The following AMOTL1 variants were observed in gnomAD, a reference collection of about 807,000 sequenced individuals.
AMOTL1 encodes angiomotin-like protein 1.
AMOTL1 carries 45 observed loss-of-function variants against 102.9 expected under a neutral mutation model. The ratio of observed to expected loss-of-function variants is 0.44; its 90% CI spans 0.34 to 0.56. The LOEUF (loss-of-function observed/expected upper bound fraction) is 0.56, where lower values mean the gene tolerates loss of function less well. Among genes scored for constraint, AMOTL1 ranks in the 20% least tolerant of loss-of-function variants. The probability of loss-of-function intolerance (pLI) is 0.01; values close to 1 mark genes in which losing one functional copy is unlikely to be tolerated. For synonymous variants in AMOTL1, 481 were observed against 484.7 expected (o/e 0.99, Z 0.10); for missense variants, 1,114 against 1,225.6 (o/e 0.91, Z 1.36).
At chr11:94,756,928 GTTAA>G (rs1950733211) in intron 3 of AMOTL1, among the ~76,000 whole-genome samples, 1 of 151,438 alleles carries the variant, frequency 6.6e-6, no homozygotes, top group Admixed American at 6.6e-5. Flanking sequence ...ATATCAATCA[GTTAA>G]TTAATATTCA....
chr11:94,825,481 G>A (rs1036540645), intron 4 of AMOTL1, among the ~76,000 whole-genome samples: 1 of 152,306 alleles, frequency 6.6e-6, no homozygotes, highest in East Asian at 1.9e-4. Flanking sequence ...GTCATGCAGG[G>A]CTTTCTGCTC....
intron 1 of AMOTL1, among the ~76,000 whole-genome samples, chr11:94,776,662 C>G (rs1011593941): frequency 6.6e-6 from 1 of 152,240 alleles, no homozygotes. Flanking sequence ...GCTGCTGCTT[C>G]TCAGCTGTGA....
At chr11:94,762,695 G>A (rs147743551) in intron 3 of AMOTL1, among the ~76,000 whole-genome samples, 202 of 152,320 alleles carry the variant, frequency 1.3e-3, no homozygotes, top group Non-Finnish European at 2.4e-3. Context: ...TCTGACACCA[G>A]TTTGTTTGGG....
chr11:94,782,328 G>A (rs770759369), intron 1 of AMOTL1, among the ~76,000 whole-genome samples: 2 of 152,008 alleles, frequency 1.3e-5, no homozygotes, highest in Non-Finnish European at 2.9e-5. Context: ...GGAATTTTTG[G>A]AAACTTGTAT....
At chr11:94,848,659 C>A (rs1427881791) in intron 6 of AMOTL1, among the ~76,000 whole-genome samples, 3 of 152,192 alleles carry the variant, frequency 2.0e-5, no homozygotes, top group Admixed American at 6.5e-5. Context: ...TTCCTCAGGG[C>A]TTTCCTCTTC....
rs201790176 is a variant in AMOTL1 at position 94,821,826 on chromosome 11, G to A, written c.1413+5G>A. ...AATGCCGACAAGCTCCACAAGGTGC[G>A]TGACTTCCCTGGGGAATGGGAGGGA... On this transcript the variant is annotated splice_donor_5th_base_variant and intron_variant, in intron 4 of 12. Coordinates refer to ENST00000433060, the MANE Select transcript of AMOTL1 (RefSeq NM_130847.3). 4.6e-5 allele frequency: 74 copies of A among 1,612,326 alleles called. No homozygotes were observed. Among genetic ancestry groups the A allele is most frequent in the Non-Finnish European group, 5.9e-5 (69 of 1,178,602 alleles).
Position 94,795,171 on chromosome 11 carries a change from T to C in AMOTL1, c.199+11T>C. The C allele has an allele frequency of 6.2e-7, 1 of 1,612,878 alleles. No homozygotes were observed. Among genetic ancestry groups the C allele is most frequent in the Non-Finnish European group, 8.5e-7 (1 of 1,179,604 alleles). ...TCAGGGAAAAAGTTGGTAAGTCCTT[T>C]TACCGGCACTTGTGTTGGAAAAGCA... On this transcript the variant is annotated intron_variant, in intron 2 of 12. Transcript: ENST00000433060.
intron 6 of AMOTL1, among the ~76,000 whole-genome samples, chr11:94,842,165 G>A (rs1466490377): frequency 6.6e-6 from 1 of 152,282 alleles, no homozygotes; most frequent in Non-Finnish European, 1.5e-5. Context: ...TATACCAATA[G>A]CATCCTCTTA....
intron 2 of AMOTL1, among the ~76,000 whole-genome samples, chr11:94,739,413 A>G (rs987782439): frequency 2.0e-5 from 3 of 152,146 alleles, no homozygotes; most frequent in African/African-American, 7.2e-5. Flanking sequence ...TTGCTTGGGG[A>G]GGACAGCCCC....
chr11:94,754,721 T>C, intron 3 of AMOTL1, among the ~76,000 whole-genome samples: 1 of 152,228 alleles, frequency 6.6e-6, no homozygotes, highest in East Asian at 1.9e-4. Flanking sequence ...ATTTTAGGGA[T>C]ATAACCTAGT....
chr11:94,792,666 G>A (rs1368969878), intron 1 of AMOTL1, among the ~76,000 whole-genome samples: 1 of 152,178 alleles, frequency 6.6e-6, no homozygotes, highest in Non-Finnish European at 1.5e-5. Flanking sequence ...CTCAGTGGAC[G>A]TGCAGGACCC....
At chr11:94,757,426 G>T (rs138077556) in intron 3 of AMOTL1, among the ~76,000 whole-genome samples, 240 of 152,258 alleles carry the variant, frequency 1.6e-3, no homozygotes, top group Middle Eastern at 3.4e-3. Flanking sequence ...CAGAGGAGGG[G>T]TGATTCCAGG....
chr11:94,788,501 G>T (rs1951230147), intron 1 of AMOTL1, among the ~76,000 whole-genome samples: 1 of 152,054 alleles, frequency 6.6e-6, no homozygotes, highest in African/African-American at 2.4e-5. Context: ...TTTCCCTCCG[G>T]TTCAATTTCA....
At chr11:94,808,893 G>T (rs771102952) in intron 3 of AMOTL1, among the ~76,000 whole-genome samples, 2 of 151,202 alleles carry the variant, frequency 1.3e-5, no homozygotes, top group African/African-American at 2.4e-5. Flanking sequence ...ATTTTAACAG[G>T]TAATCAATAT....
intron 3 of AMOTL1, among the ~76,000 whole-genome samples, chr11:94,743,990 T>C (rs1033050163): frequency 1.5e-4 from 23 of 152,140 alleles, no homozygotes; most frequent in African/African-American, 5.3e-4. Flanking sequence ...TGACACCCAA[T>C]GTGTGGGTTT....
intron 1 of AMOTL1, among the ~76,000 whole-genome samples, chr11:94,794,736 C>T (rs1435575743): frequency 6.6e-6 from 1 of 152,210 alleles, no homozygotes; most frequent in East Asian, 1.9e-4. Flanking sequence ...TGCTGCAACC[C>T]TTGGAACCGG....
chr11:94,724,254 A>C (rs1455156300), intron 1 of AMOTL1, among the ~76,000 whole-genome samples: 2 of 152,164 alleles, frequency 1.3e-5, no homozygotes, highest in African/African-American at 4.8e-5. Flanking sequence ...CTACATCTGC[A>C]AGGCTGGAGA....
At position 94,800,206 on chromosome 11, in the gene AMOTL1, C is replaced by G. The variant is rs777581010; in HGVS notation, c.1016C>G (p.Pro339Arg). The stretch of plus-strand genomic sequence containing the variant: ...GGACTTTTTTATGGTGACCAGCACC[C>G]CGGGATGCTCCACGAGATGGTCAAG... ...EHGLFYGDQHPGMLHEMVKPY... is the reference protein window; with the variant it reads ...EHGLFYGDQHRGMLHEMVKPY... Residue 339 changes from proline to arginine, a missense_variant, in exon 3 of 13, where the codon CCC (proline) becomes CGC (arginine). Coordinates refer to ENST00000433060, the MANE Select transcript of AMOTL1 (RefSeq NM_130847.3). 5.0e-6 allele frequency: 8 copies of G among 1,613,788 alleles called. No homozygotes were observed. Among genetic ancestry groups the G allele is most frequent in the Non-Finnish European group, 5.9e-6 (7 of 1,179,880 alleles).
At chr11:94,757,498 A>T (rs1452718169) in intron 3 of AMOTL1, among the ~76,000 whole-genome samples, 1 of 152,102 alleles carries the variant, frequency 6.6e-6, no homozygotes, top group Admixed American at 6.5e-5. Flanking sequence ...AGAGGAAACC[A>T]CCTCTGGTGG....
Sources: gnomAD v4.1 joint callset for allele counts (sites outside exome capture counted in the v4.1 genomes callset) on GRCh38, gnomAD v4.1.1 for gene constraint, MANE v1.5 for transcripts, NCBI Gene and HGNC (gene_info 2026-07-23, HGNC 2026-07-21) for gene names.